Variants in ARHGAP15 observed in about 807,000 individuals in gnomAD.
The protein encoded by ARHGAP15 is rho GTPase-activating protein 15.
In ARHGAP15, 51 loss-of-function variants were observed where a neutral mutation model predicts 63.7. The observed-to-expected ratio is 0.80, with a 90% CI of 0.64 to 1.01. The LOEUF (loss-of-function observed/expected upper bound fraction) is 1.01, where lower values mean the gene tolerates loss of function less well. Among genes scored for constraint, ARHGAP15 ranks in the 50% least tolerant of loss-of-function variants. ARHGAP15 has a pLI of 0.00. For synonymous variants in ARHGAP15, 191 were observed against 193.8 expected, an observed-to-expected ratio of 0.99 and a Z score of 0.12; for missense variants, 560 against 564.6, an observed-to-expected ratio of 0.99 and a Z score of 0.08.
chr2:143,141,099 C>T (rs573835296), intron 1 of ARHGAP15, among the ~76,000 whole-genome samples: 9 of 152,142 alleles, frequency 5.9e-5, no homozygotes, highest in Admixed American at 4.6e-4. Flanking sequence ...CTTCTCCTGA[C>T]CATGATGAGC....
chr2:143,148,736 T>C (rs565554471), intron 1 of ARHGAP15, among the ~76,000 whole-genome samples: 69 of 152,180 alleles, frequency 4.5e-4, no homozygotes, highest in African/African-American at 1.6e-3. Context: ...TCACATTCCT[T>C]TACTGTGATC....
intron 11 of ARHGAP15, among the ~76,000 whole-genome samples, chr2:143,614,590 G>A (rs1404371012): frequency 6.6e-6 from 1 of 152,082 alleles, no homozygotes; most frequent in East Asian, 1.9e-4. Flanking sequence ...TATCAAAGGA[G>A]GTTAAAATTT....
At chr2:143,765,640 A>G (rs1193164113) in intron 13 of ARHGAP15, among the ~76,000 whole-genome samples, 1 of 152,194 alleles carries the variant, frequency 6.6e-6, no homozygotes, top group Admixed American at 6.6e-5. Context: ...GCTGTCCATT[A>G]CAATTCTAAG....
In ARHGAP15 at chr2:143,411,663, ATAC is replaced by A. The variant is rs541756807; in HGVS notation, c.475-23933_475-23931del. 2.9e-3 allele frequency among the ~76,000 whole-genome samples: 447 copies of A among 152,360 alleles called. 3 individuals are homozygous for A. Among genetic ancestry groups the A allele is most frequent in the Non-Finnish European group, 5.2e-3 (355 of 68,026 alleles). On this transcript the variant is annotated intron_variant, in intron 6 of 13. Transcript: ENST00000295095. ...ATTCATTCAATAAATAAGTATTGACATACTACTGTTTTAAGAACTGGAGATACA... is the reference window on the plus strand; with the variant it reads ...ATTCATTCAATAAATAAGTATTGACATACTGTTTTAAGAACTGGAGATACA...
chr2:143,314,923 G>C (rs1386069708), intron 6 of ARHGAP15, among the ~76,000 whole-genome samples: 1 of 152,054 alleles, frequency 6.6e-6, no homozygotes, highest in Non-Finnish European at 1.5e-5. Flanking sequence ...TCCCTGTACT[G>C]TCCTACCTTA....
At chr2:143,451,830 T>G (rs1054532040) in intron 8 of ARHGAP15, among the ~76,000 whole-genome samples, 1 of 151,988 alleles carries the variant, frequency 6.6e-6, no homozygotes, top group Admixed American at 6.6e-5. Context: ...CCACCCACAG[T>G]CTTGTTCCAC....
At chr2:143,180,796 C>G (rs1574057559) in intron 2 of ARHGAP15, among the ~76,000 whole-genome samples, 1 of 152,110 alleles carries the variant, frequency 6.6e-6, no homozygotes, top group Non-Finnish European at 1.5e-5. Context: ...GCCTCAGCCT[C>G]CCGAGTAGCT....
intron 8 of ARHGAP15, among the ~76,000 whole-genome samples, chr2:143,454,137 AGAGGCCCT>A (rs944710587): frequency 2.0e-5 from 3 of 152,042 alleles, no homozygotes; most frequent in African/African-American, 7.2e-5. Context: ...ACCGTCATTG[AGAGGCCCT>A]GAGGACTCGT....
rs1460570486 is a variant in ARHGAP15 at position 143,177,876 on chromosome 2, G to A, written c.165+22221G>A. The stretch of plus-strand genomic sequence containing the variant: ...GAATTTTTCTTTATTTTAGAAAATA[G>A]TTATTTTATTAAAAATATGCTATTT... On this transcript the variant is annotated intron_variant, in intron 2 of 13. Transcript: ENST00000295095. Among the ~76,000 whole-genome samples the A allele has an allele frequency of 2.0e-5, 3 of 152,010 alleles. No homozygotes were observed. In the East Asian group the frequency reaches 5.8e-4, roughly 29 times the overall value.
intron 6 of ARHGAP15, among the ~76,000 whole-genome samples, chr2:143,395,453 T>C (rs535735891): frequency 1.3e-5 from 2 of 152,164 alleles, no homozygotes; most frequent in African/African-American, 4.8e-5. Context: ...TAATTAAATA[T>C]TCACACATTT....
intron 6 of ARHGAP15, among the ~76,000 whole-genome samples, chr2:143,357,027 C>T (rs140438339): frequency 5.9e-4 from 90 of 152,282 alleles, no homozygotes; most frequent in Admixed American, 2.9e-3. Flanking sequence ...CTTTCTCAAC[C>T]GGTCAGCATT....
intron 9 of ARHGAP15, among the ~76,000 whole-genome samples, chr2:143,490,441 C>G (rs1692538121): frequency 6.6e-6 from 1 of 152,138 alleles, no homozygotes; most frequent in Non-Finnish European, 1.5e-5. Flanking sequence ...CTATAACGCC[C>G]ATCAGAGTCA....
chr2:143,211,217 A>G (rs373215955), intron 3 of ARHGAP15, among the ~76,000 whole-genome samples: 1 of 152,090 alleles, frequency 6.6e-6, no homozygotes, highest in East Asian at 1.9e-4. Flanking sequence ...AATGTAAGCA[A>G]TGAGTTCCAA....
At chr2:143,552,280 A>G (rs1695599278) in intron 10 of ARHGAP15, among the ~76,000 whole-genome samples, 1 of 152,202 alleles carries the variant, frequency 6.6e-6, no homozygotes, top group African/African-American at 2.4e-5. Context: ...CAAACTCCAC[A>G]TCTGCATGGT....
At chr2:143,728,179 C>G (rs879900999) in intron 13 of ARHGAP15, among the ~76,000 whole-genome samples, 1 of 152,154 alleles carries the variant, frequency 6.6e-6, no homozygotes, top group Non-Finnish European at 1.5e-5. Flanking sequence ...GAGGTCTCTC[C>G]CCTTGGCTTG....
chr2:143,130,573 A>T (rs1381003389), intron 1 of ARHGAP15, among the ~76,000 whole-genome samples: 1 of 152,122 alleles, frequency 6.6e-6, no homozygotes. Context: ...CTTCTATTGA[A>T]AGACACACAT....
intron 8 of ARHGAP15, among the ~76,000 whole-genome samples, chr2:143,460,443 A>AAT (rs893329877): frequency 3.3e-5 from 5 of 152,174 alleles, no homozygotes; most frequent in South Asian, 4.2e-4. Context: ...ACATCTGGAA[A>AAT]ATATATATAT....
chr2:143,252,096 C>T (rs1428261594), intron 6 of ARHGAP15, among the ~76,000 whole-genome samples: 1 of 152,036 alleles, frequency 6.6e-6, no homozygotes, highest in East Asian at 1.9e-4. Flanking sequence ...TTGTCATAGA[C>T]ATTATTCTTG....
chr2:143,616,708 G>A (rs1201912269), intron 11 of ARHGAP15, among the ~76,000 whole-genome samples: 2 of 152,174 alleles, frequency 1.3e-5, no homozygotes, highest in Non-Finnish European at 2.9e-5. Context: ...CTACGCACAG[G>A]TCTGTCTCCT....
Sources: allele counts gnomAD v4.1 joint callset (sites outside exome capture counted in the v4.1 genomes callset), GRCh38; gene constraint gnomAD v4.1.1; transcripts MANE v1.5; gene names NCBI Gene and HGNC (gene_info 2026-07-23, HGNC 2026-07-21).